UBAC2: variants seen among roughly 807,000 people sequenced by gnomAD.
UBAC2 encodes ubiquitin-associated domain-containing protein 2.
UBAC2 carries 26 observed loss-of-function variants against 44.0 expected under a neutral mutation model. That is an observed-to-expected ratio of 0.59 (90% CI 0.43 to 0.82). UBAC2 has a LOEUF of 0.82. Among genes scored for constraint, UBAC2 ranks in the 40% least tolerant of loss-of-function variants. The probability of loss-of-function intolerance (pLI) is 0.00; values close to 1 mark genes in which losing one functional copy is unlikely to be tolerated. For missense variants in UBAC2, 329 were observed against 419.4 expected (o/e 0.78, Z 1.88); for synonymous variants, 155 against 154.3 (o/e 1.00, Z -0.04).
intron 4 of UBAC2, chr13:99,255,014 A>G: frequency 1.2e-6 from 2 of 1,614,200 alleles, no homozygotes; most frequent in Non-Finnish European, 1.7e-6. Context: ...GAAACGATGT[A>G]GTAGAGAATC....
chr13:99,300,903 A>G lies in UBAC2; in HGVS notation c.390-13194A>G, dbSNP rs2138730764. Among the ~76,000 whole-genome samples, 2 of 152,356 alleles carry G rather than the reference A, an allele frequency of 1.3e-5. 1 individual carries two copies. Among genetic ancestry groups the G allele is most frequent in the Admixed American group, 1.3e-4 (2 of 15,298 alleles). On this transcript the variant is annotated intron_variant, in intron 4 of 8. Coordinates refer to ENST00000403766, the MANE Select transcript of UBAC2 (RefSeq NM_001144072.2). The stretch of plus-strand genomic sequence containing the variant: ...AGTTATCTTTTAATTATTTTCAGGT[A>G]GAAAATTTATTCTTAAGTATATTTT...
In UBAC2 at chr13:99,343,902, A is replaced by G. The variant is rs139820586; in HGVS notation, c.807+3337A>G. ...TATTGGAATGTAATACCAGGAGAAA[A>G]GTTTATTTTCATTTACTTTTCAACA... is the stretch of plus-strand genomic sequence containing the variant. On this transcript the variant is annotated intron_variant, in intron 7 of 8. Transcript: ENST00000403766. Among the ~76,000 whole-genome samples the G allele has an allele frequency of 8.2e-3, 1,245 of 152,312 alleles. 11 individuals are homozygous for G. The highest frequency in any genetic ancestry group is 0.056 in the South Asian group (271 of 4,832).
chr13:99,234,171 CTTTTTTTTTTTTTTTTT>C (rs773370310), intron 1 of UBAC2, among the ~76,000 whole-genome samples: 7 of 61,682 alleles, frequency 1.1e-4, no homozygotes, highest in Non-Finnish European at 2.0e-4. Flanking sequence ...CTAGCCGTTT[CTTTTTTTTTTTTTTTTT>C]TTTTTTTTTT....
At chr13:99,304,186 A>G (rs541531735) in intron 4 of UBAC2, among the ~76,000 whole-genome samples, 3 of 152,316 alleles carry the variant, frequency 2.0e-5, no homozygotes, top group East Asian at 1.9e-4. Flanking sequence ...GGCTCCAGGC[A>G]TGCAAAATTA....
chr13:99,271,196 T>G (rs2043811078), intron 4 of UBAC2, among the ~76,000 whole-genome samples: 1 of 152,162 alleles, frequency 6.6e-6, no homozygotes. Flanking sequence ...TGTACAAAAC[T>G]AAATAAACTA....
At chr13:99,378,493 C>T (rs2045510243) in intron 8 of UBAC2, among the ~76,000 whole-genome samples, 1 of 152,174 alleles carries the variant, frequency 6.6e-6, no homozygotes, top group Non-Finnish European at 1.5e-5. Flanking sequence ...CATCACTGCA[C>T]TCCAACCTGG....
At chr13:99,246,920 T>C (rs2043390619) in intron 4 of UBAC2, among the ~76,000 whole-genome samples, 1 of 152,258 alleles carries the variant, frequency 6.6e-6, no homozygotes, top group Non-Finnish European at 1.5e-5. Context: ...TCTTCAGGCT[T>C]TCTCAAACAT....
At chr13:99,284,340 A>G (rs1023217963) in intron 4 of UBAC2, among the ~76,000 whole-genome samples, 1 of 152,268 alleles carries the variant, frequency 6.6e-6, no homozygotes, top group African/African-American at 2.4e-5. Flanking sequence ...TAGACTGAAG[A>G]AACTGCTGTT....
intron 4 of UBAC2, among the ~76,000 whole-genome samples, chr13:99,247,117 T>G (rs528151630): frequency 6.6e-6 from 1 of 152,298 alleles, no homozygotes; most frequent in East Asian, 1.9e-4. Context: ...ATTGCAGGTG[T>G]GAGCCACTGC....
At chr13:99,337,456 T>A (rs557755579) in intron 6 of UBAC2, among the ~76,000 whole-genome samples, 35 of 152,272 alleles carry the variant, frequency 2.3e-4, no homozygotes, top group African/African-American at 7.9e-4. Flanking sequence ...TTCTAAACAG[T>A]CTGTATTTTA....
intron 6 of UBAC2, among the ~76,000 whole-genome samples, chr13:99,333,095 C>CGGG (rs1566507159): frequency 7.2e-6 from 1 of 138,174 alleles, no homozygotes; most frequent in African/African-American, 2.4e-5. Context: ...AACCCCGTCT[C>CGGG]TGGGGGGGGA....
rs543196606 is a variant in UBAC2 at position 99,341,598 on chromosome 13, CATATAT to C, written c.807+1039_807+1044del. Among the ~76,000 whole-genome samples, 362 of 152,018 alleles carry C rather than the reference CATATAT, an allele frequency of 2.4e-3. 4 individuals are homozygous for C. Among genetic ancestry groups the C allele is most frequent in the South Asian group, 0.011 (51 of 4,808 alleles). Reference sequence around the variant, plus strand: ...CTCTGTCTTGGAAATGTGGAAGCTACATATATATATAGGTGATGGAGTCACCTCTGT... The same window carrying C: ...CTCTGTCTTGGAAATGTGGAAGCTACATATAGGTGATGGAGTCACCTCTGT... On this transcript the variant is annotated intron_variant, in intron 7 of 8. Coordinates refer to ENST00000403766, the MANE Select transcript of UBAC2 (RefSeq NM_001144072.2).
chr13:99,295,887 G>C lies in UBAC2; in HGVS notation c.390-18210G>C. The C allele has an allele frequency of 1.9e-6, 3 of 1,611,718 alleles. No individual in the cohort carries two copies. The highest frequency in any genetic ancestry group is 1.3e-5 in the African/African-American group (1 of 74,942). Reference sequence around the variant, plus strand: ...AAGCCCATTGCATAGTAGGCTATTCGTGTAGGCAAAGCGGTGGTAAAAAGT... The same window carrying C: ...AAGCCCATTGCATAGTAGGCTATTCCTGTAGGCAAAGCGGTGGTAAAAAGT... On this transcript the variant is annotated intron_variant, in intron 4 of 8. Transcript: ENST00000403766. The surrounding 1 kb of genome is among the most constrained non-coding windows in gnomAD (Gnocchi z 4.1).
rs778365731 is a variant in UBAC2 at position 99,385,364 on chromosome 13, C to T, written c.*29C>T. ...TCCCAGGCCAACACTGGGACCGGAC[C>T]GGCAGCCGAGTGACAGTGCGTGGTC... is the stretch of plus-strand genomic sequence containing the variant. On this transcript the variant is annotated 3_prime_UTR_variant, in exon 9 of 9. Transcript: ENST00000403766. The T allele has an allele frequency of 3.8e-6, 6 of 1,581,052 alleles. No homozygotes were observed. The highest frequency in any genetic ancestry group is 4.5e-5 in the East Asian group (2 of 44,718).
chr13:99,243,763 A>C (rs976693404), intron 2 of UBAC2, 69 bp from the exon 3 acceptor site: 1 of 1,446,864 alleles, frequency 6.9e-7, no homozygotes, highest in African/African-American at 1.4e-5. Flanking sequence ...AAACATAACA[A>C]ATTTGCTAAG....
intron 4 of UBAC2, among the ~76,000 whole-genome samples, chr13:99,278,824 A>G (rs1178562296): frequency 1.3e-5 from 2 of 152,216 alleles, no homozygotes; most frequent in African/African-American, 2.4e-5. Context: ...CCAGGAACAT[A>G]TAACTCAGTT....
intron 4 of UBAC2, among the ~76,000 whole-genome samples, chr13:99,259,900 T>C (rs1162847188): frequency 6.6e-6 from 1 of 152,240 alleles, no homozygotes; most frequent in Non-Finnish European, 1.5e-5. Context: ...GGCATTCTTG[T>C]TTCTGAATTG....
intron 4 of UBAC2, among the ~76,000 whole-genome samples, chr13:99,275,128 G>C (rs756078322): frequency 2.0e-5 from 3 of 152,206 alleles, no homozygotes; most frequent in Non-Finnish European, 4.4e-5. Context: ...AGATTTGGAA[G>C]ATACTGCTAG....
chr13:99,314,263 T>TTA, intron 5 of UBAC2, 43 bp downstream of exon 5: 1 of 353,556 alleles, frequency 2.8e-6, no homozygotes, highest in Non-Finnish European at 3.7e-6. Flanking sequence ...TAACCAGATC[T>TTA]TTTTTTTTTT....
Sources: gnomAD v4.1 joint callset for allele counts (sites outside exome capture counted in the v4.1 genomes callset) on GRCh38, gnomAD v4.1.1 for gene constraint, Gnocchi (gnomAD v3.1) non-coding constraint, MANE v1.5 for transcripts, NCBI Gene and HGNC (gene_info 2026-07-23, HGNC 2026-07-21) for gene names.